SSTR1: variants seen among roughly 807,000 people sequenced by gnomAD.
The protein encoded by SSTR1 is somatostatin receptor type 1.
A neutral mutation model predicts 20.7 loss-of-function variants in SSTR1; 10 were observed. The observed-to-expected ratio is 0.48, with a 90% CI of 0.30 to 0.82. SSTR1 has a LOEUF of 0.82. Ranked by LOEUF, SSTR1 falls within the 40% of genes least tolerant of loss-of-function variation. The pLI, the probability that SSTR1 is intolerant of heterozygous loss-of-function variation, is 0.07. For synonymous variants in SSTR1, 267 were observed against 227.8 expected, an observed-to-expected ratio of 1.17 and a Z score of -1.55; for missense variants, 494 against 540.0, an observed-to-expected ratio of 0.91 and a Z score of 0.84.
rs1454572531 is a variant in SSTR1 at position 38,211,596 on chromosome 14, C to T, written c.*1031C>T. The T allele has an allele frequency of 6.0e-6, 1 of 167,146 alleles. No homozygotes were observed. Among genetic ancestry groups the T allele is most frequent in the Admixed American group, 6.5e-5 (1 of 15,292 alleles). The allele number at this position is 167,146 out of a possible 1,614,324, so 10.4% of individuals were successfully genotyped here. A position where few individuals can be genotyped will look rare whatever the true frequency, so the allele number is the denominator to read the frequency against. The stretch of plus-strand genomic sequence containing the variant: ...CCCTCACCCAAGTTTCCGGAGGAGC[C>T]GACCTAAAAGTAACAATAGATAAGG... On this transcript the variant is annotated 3_prime_UTR_variant, in exon 3 of 3. Transcript: ENST00000267377.
rs1883271174 is a variant in SSTR1 at position 38,209,163 on chromosome 14, C to T, written c.-227C>T. 2 of 448,454 alleles carry T rather than the reference C, an allele frequency of 4.5e-6. No homozygotes were observed. The highest frequency in any genetic ancestry group is 4.1e-5 in the African/African-American group (2 of 48,808). 27.8% of individuals were successfully genotyped at this position (448,454 alleles called of 1,614,324 possible). Reference sequence around the variant, plus strand: ...CTCTCCTCTCCACGGTCGCCTGTGCCCGGGCACCCCGGAGCTGCAAACTGC... The same window carrying T: ...CTCTCCTCTCCACGGTCGCCTGTGCTCGGGCACCCCGGAGCTGCAAACTGC... On this transcript the variant is annotated 5_prime_UTR_variant, in exon 3 of 3. Coordinates refer to ENST00000267377, the MANE Select transcript of SSTR1 (RefSeq NM_001049.3).
At position 38,210,288 on chromosome 14, in the gene SSTR1, A is replaced by G. The variant is rs1883300963; in HGVS notation, c.899A>G (p.Asp300Gly). The change falls in exon 3 of 3, where the codon GAC becomes GGC. Residue 300 changes from aspartate (D) to glycine (G), a missense_variant. Around this residue, in one of 3 missense-constraint regions of SSTR1, gnomAD observed 280 missense variants for 286.1 expected, o/e 0.98. Transcript: ENST00000267377. ...CTGGTCAACGTGTTTGCTGAGCAGGACGACGCCACGGTGAGTCAGCTGTCG... is the reference window on the plus strand; with the variant it reads ...CTGGTCAACGTGTTTGCTGAGCAGGGCGACGCCACGGTGAGTCAGCTGTCG... ...VQLVNVFAEQ[D>G]DATVSQLSVI... 3 of 1,614,130 alleles carry G rather than the reference A, an allele frequency of 1.9e-6. No homozygotes were observed. The highest frequency in any genetic ancestry group is 2.5e-6 in the Non-Finnish European group (3 of 1,180,006).
Position 38,209,662 on chromosome 14 carries a change from G to T in SSTR1, c.273G>T (p.Thr91=), listed in dbSNP as rs1042903870. The T allele has an allele frequency of 3.7e-6, 6 of 1,613,902 alleles. No individual in the cohort carries two copies. The highest frequency in any genetic ancestry group is 5.1e-6 in the Non-Finnish European group (6 of 1,180,028). ...TCCTGCGCTATGCCAAGATGAAGAC[G>T]GCCACCAACATCTACATCCTAAATC... ...YVILRYAKMK[T]ATNIYILNLA... The change falls in exon 3 of 3, where the codon ACG becomes ACT. Residue 91 remains threonine, a synonymous_variant. Coordinates refer to ENST00000267377, the MANE Select transcript of SSTR1 (RefSeq NM_001049.3).
rs1883338548 is a variant in SSTR1 at position 38,211,917 on chromosome 14, G to A, written c.*1352G>A. 3 of 167,098 alleles carry A rather than the reference G, an allele frequency of 1.8e-5. No homozygotes were observed. Among genetic ancestry groups the A allele is most frequent in the African/African-American group, 7.2e-5 (3 of 41,458 alleles). 10.4% of individuals were successfully genotyped at this position (167,098 alleles called of 1,614,324 possible). ...TGGGACCCTGGGGGCGGGCATGGAAGTGGAAGTAGGGGCAAGCTCTTGCCC... is the reference window on the plus strand; with the variant it reads ...TGGGACCCTGGGGGCGGGCATGGAAATGGAAGTAGGGGCAAGCTCTTGCCC... On this transcript the variant is annotated 3_prime_UTR_variant, in exon 3 of 3. Coordinates refer to ENST00000267377, the MANE Select transcript of SSTR1 (RefSeq NM_001049.3).
In SSTR1 at chr14:38,209,314, G is replaced by A; in HGVS notation, c.-76G>A. 7.1e-7 allele frequency: 1 copy of A among 1,412,658 alleles called. No individual in the cohort carries two copies. The highest frequency in any genetic ancestry group is 1.6e-5 in the South Asian group (1 of 64,256). 87.5% of individuals were successfully genotyped at this position (1,412,658 alleles called of 1,614,324 possible). On this transcript the variant is annotated 5_prime_UTR_variant, in exon 3 of 3. Transcript: ENST00000267377. ...GGCTGCAGGCAAGCGGTCGGGTGGGGAGGGAGGGCGCAGGCGGCGGGTGCG... is the reference window on the plus strand; with the variant it reads ...GGCTGCAGGCAAGCGGTCGGGTGGGAAGGGAGGGCGCAGGCGGCGGGTGCG...
Position 38,211,214 on chromosome 14 carries a change from C to G in SSTR1, c.*649C>G, listed in dbSNP as rs1164082485. On this transcript the variant is annotated 3_prime_UTR_variant, in exon 3 of 3. Coordinates refer to ENST00000267377, the MANE Select transcript of SSTR1 (RefSeq NM_001049.3). ...TCTTTCCCTGCCCTCCCCTGTCCCC[C>G]TCTCGCCGCCCGCCCGCCACCACCA... The G allele has an allele frequency of 6.0e-6, 1 of 167,152 alleles. No individual in the cohort carries two copies. The highest frequency in any genetic ancestry group is 1.5e-5 in the Non-Finnish European group (1 of 68,300). The allele number at this position is 167,152 out of a possible 1,614,324, so 10.4% of individuals were successfully genotyped here.
rs749677430 is a variant in SSTR1 at position 38,209,883 on chromosome 14, C to T, written c.494C>T (p.Ala165Val). Reference protein sequence around the residue: ...RYVAVVHPIKAARYRRPTVAK... With the variant: ...RYVAVVHPIKVARYRRPTVAK... ...GTGGCCGTGGTGCATCCCATCAAGGCGGCCCGCTACCGCCGGCCCACCGTG... is the reference window on the plus strand; with the variant it reads ...GTGGCCGTGGTGCATCCCATCAAGGTGGCCCGCTACCGCCGGCCCACCGTG... The change falls in exon 3 of 3, where the codon GCG becomes GTG. Residue 165 changes from alanine to valine, a missense_variant. Physicochemically the swap from Ala to Val is moderately conservative, Grantham distance 64. Transcript: ENST00000267377. 1 of 1,613,770 alleles carries T rather than the reference C, an allele frequency of 6.2e-7. No homozygotes were observed.
At position 38,209,430 on chromosome 14, in the gene SSTR1, C is replaced by G. The variant is rs1194008779; in HGVS notation, c.41C>G (p.Pro14Arg). The G allele has an allele frequency of 6.5e-7, 1 of 1,543,662 alleles. No homozygotes were observed. Among genetic ancestry groups the G allele is most frequent in the East Asian group, 2.3e-5 (1 of 44,138 alleles). The change falls in exon 3 of 3, where the codon CCT (proline) becomes CGT (arginine). Residue 14 changes from proline to arginine, a missense_variant. Physicochemically the swap from Pro to Arg is moderately radical, Grantham distance 103. Transcript: ENST00000267377. ...NGTASSPSSSPSPSPGSCGEG... is the reference protein window; with the variant it reads ...NGTASSPSSSRSPSPGSCGEG... ...ACCGCCTCCTCTCCTTCCTCCTCTCCTAGCCCCAGCCCGGGCAGCTGCGGC... is the reference window on the plus strand; with the variant it reads ...ACCGCCTCCTCTCCTTCCTCCTCTCGTAGCCCCAGCCCGGGCAGCTGCGGC...
At position 38,209,099 on chromosome 14, in the gene SSTR1, A is replaced by C; in HGVS notation, c.-291A>C. ...TCATTTACCAGTCCAGAGCCGCGCC[A>C]GTTAATGGCTGTGCCGTGCGGTGCT... On this transcript the variant is annotated 5_prime_UTR_variant, in exon 3 of 3. Transcript: ENST00000267377. The C allele has an allele frequency of 2.8e-6, 1 of 354,828 alleles. No individual in the cohort carries two copies. Among genetic ancestry groups the C allele is most frequent in the Non-Finnish European group, 5.0e-6 (1 of 199,562 alleles). The allele number at this position is 354,828 out of a possible 1,614,324, so 22.0% of individuals were successfully genotyped here.
Position 38,209,153 on chromosome 14 carries a change from T to C in SSTR1, c.-237T>C, listed in dbSNP as rs527949561. 7.0e-6 allele frequency: 3 copies of C among 429,688 alleles called. No homozygotes were observed. The highest frequency in any genetic ancestry group is 8.6e-5 in the South Asian group (1 of 11,580). The allele number at this position is 429,688 out of a possible 1,614,324, so 26.6% of individuals were successfully genotyped here. On this transcript the variant is annotated 5_prime_UTR_variant, in exon 3 of 3. Transcript: ENST00000267377. ...ACATCCTGGCCTCTCCTCTCCACGGTCGCCTGTGCCCGGGCACCCCGGAGC... is the reference window on the plus strand; with the variant it reads ...ACATCCTGGCCTCTCCTCTCCACGGCCGCCTGTGCCCGGGCACCCCGGAGC...
rs1398470903 is a variant in SSTR1 at position 38,209,616 on chromosome 14, A to G, written c.227A>G (p.Asn76Ser). Residue 76 changes from asparagine to serine, a missense_variant, in exon 3 of 3, where the codon AAC (asparagine) becomes AGC (serine). Transcript: ENST00000267377. ...SVVCLVGLCG[N>S]SMVIYVILRY... The stretch of plus-strand genomic sequence containing the variant: ...GTGTGCCTGGTGGGGCTGTGTGGGA[A>G]CTCTATGGTCATCTACGTGATCCTG... The G allele has an allele frequency of 1.2e-6, 2 of 1,613,764 alleles. No individual in the cohort carries two copies. The highest frequency in any genetic ancestry group is 2.2e-5 in the South Asian group (2 of 91,062).
Position 38,210,204 on chromosome 14 carries a change from T to C in SSTR1, c.815T>C (p.Met272Thr). The C allele has an allele frequency of 1.2e-6, 2 of 1,614,252 alleles. No homozygotes were observed. Among genetic ancestry groups the C allele is most frequent in the Non-Finnish European group, 1.7e-6 (2 of 1,180,034 alleles). The change falls in exon 3 of 3, where the codon ATG (methionine) becomes ACG (threonine). Residue 272 changes from methionine (M) to threonine (T), a missense_variant. Physicochemically the swap from Met to Thr is moderately conservative, Grantham distance 81. This residue lies in a region of SSTR1 where 280 missense variants were observed against 286.1 expected (regional missense o/e 0.98). Coordinates refer to ENST00000267377, the MANE Select transcript of SSTR1 (RefSeq NM_001049.3). ...RKRSERKITL[M>T]VMMVVMVFVI... ...CGCTCGGAGCGCAAGATCACCTTAA[T>C]GGTGATGATGGTGGTGATGGTGTTT...
At position 38,211,738 on chromosome 14, in the gene SSTR1, G is replaced by C. The variant is rs1283142794; in HGVS notation, c.*1173G>C. ...CCGCAACCTGCAGGCTCCCGAGTGG[G>C]GCCTGCCTGGTCTCTAGAGGGTTGC... On this transcript the variant is annotated 3_prime_UTR_variant, in exon 3 of 3. Coordinates refer to ENST00000267377, the MANE Select transcript of SSTR1 (RefSeq NM_001049.3). The C allele has an allele frequency of 4.8e-5, 8 of 167,280 alleles. No individual in the cohort carries two copies. Among genetic ancestry groups the C allele is most frequent in the African/African-American group, 1.9e-4 (8 of 41,600 alleles). 10.4% of individuals were successfully genotyped at this position (167,280 alleles called of 1,614,324 possible).
rs1406194086 is a variant in SSTR1 at position 38,209,574 on chromosome 14, C to G, written c.185C>G (p.Ser62Cys). ...SEGQGSAILI[S>C]FIYSVVCLVG... ...GGCCAGGGCAGCGCCATCCTGATCT[C>G]TTTCATCTACTCCGTGGTGTGCCTG... The change falls in exon 3 of 3, where the codon TCT (serine) becomes TGT (cysteine). Residue 62 changes from serine to cysteine, a missense_variant. Coordinates refer to ENST00000267377, the MANE Select transcript of SSTR1 (RefSeq NM_001049.3). 6.2e-7 allele frequency: 1 copy of G among 1,612,722 alleles called. No individual in the cohort carries two copies. The highest frequency in any genetic ancestry group is 8.5e-7 in the Non-Finnish European group (1 of 1,179,230).
Position 38,210,520 on chromosome 14 carries a change from C to T in SSTR1, c.1131C>T (p.Gly377=). The T allele has an allele frequency of 1.2e-6, 2 of 1,602,766 alleles. No homozygotes were observed. Among genetic ancestry groups the T allele is most frequent in the Non-Finnish European group, 1.7e-6 (2 of 1,174,958 alleles). The part of the protein sequence containing the change: ...DFQPENLESG[G]VFRNGTCTSR... ...AACCTGAGAACCTGGAGTCCGGCGGCGTCTTCCGTAATGGCACCTGCACGT... is the reference window on the plus strand; with the variant it reads ...AACCTGAGAACCTGGAGTCCGGCGGTGTCTTCCGTAATGGCACCTGCACGT... Residue 377 remains glycine, a synonymous_variant, in exon 3 of 3, where the codon GGC becomes GGT. Coordinates refer to ENST00000267377, the MANE Select transcript of SSTR1 (RefSeq NM_001049.3).
Position 38,211,674 on chromosome 14 carries a change from G to C in SSTR1, c.*1109G>C, listed in dbSNP as rs934914705. 2.4e-5 allele frequency: 4 copies of C among 167,162 alleles called. No individual in the cohort carries two copies. The highest frequency in any genetic ancestry group is 5.9e-5 in the Non-Finnish European group (4 of 68,146). 10.4% of individuals were successfully genotyped at this position (167,162 alleles called of 1,614,324 possible). On this transcript the variant is annotated 3_prime_UTR_variant, in exon 3 of 3. Transcript: ENST00000267377. Reference sequence around the variant, plus strand: ...CCGGGCGCCAGGGGCGGGGGACCTAGGGCGACGTCTTCAGAGTCCGCCAGT... The same window carrying C: ...CCGGGCGCCAGGGGCGGGGGACCTACGGCGACGTCTTCAGAGTCCGCCAGT...
chr14:38,210,327 A>T lies in SSTR1; in HGVS notation c.938A>T (p.Tyr313Phe). ...AGTCAGCTGTCGGTCATCCTCGGCT[A>T]TGCCAACAGCTGCGCCAACCCCATC... ...TVSQLSVILGYANSCANPILY... is the reference protein window; with the variant it reads ...TVSQLSVILGFANSCANPILY... Residue 313 changes from tyrosine (Y) to phenylalanine (F), a missense_variant, in exon 3 of 3, where the codon TAT (tyrosine) becomes TTT (phenylalanine). Tyr to Phe is a conservative substitution (Grantham distance 22). This residue lies in a region of SSTR1 where 280 missense variants were observed against 286.1 expected (regional missense o/e 0.98). Coordinates refer to ENST00000267377, the MANE Select transcript of SSTR1 (RefSeq NM_001049.3). The T allele has an allele frequency of 6.2e-7, 1 of 1,614,228 alleles. No homozygotes were observed. The highest frequency in any genetic ancestry group is 8.5e-7 in the Non-Finnish European group (1 of 1,180,034).
At position 38,210,092 on chromosome 14, in the gene SSTR1, C is replaced by A. The variant is rs779191082; in HGVS notation, c.703C>A (p.Pro235Thr). ...CACATTTCTCATGGGCTTCCTGCTG[C>A]CCGTGGGGGCTATCTGCCTGTGCTA... ...LYTFLMGFLLPVGAICLCYVL... is the reference protein window; with the variant it reads ...LYTFLMGFLLTVGAICLCYVL... Residue 235 changes from proline (P) to threonine (T), a missense_variant, in exon 3 of 3, where the codon CCC becomes ACC. Coordinates refer to ENST00000267377, the MANE Select transcript of SSTR1 (RefSeq NM_001049.3). 2 of 1,614,224 alleles carry A rather than the reference C, an allele frequency of 1.2e-6. No homozygotes were observed. The highest frequency in any genetic ancestry group is 8.5e-7 in the Non-Finnish European group (1 of 1,180,046).
At position 38,210,171 on chromosome 14, in the gene SSTR1, AG is replaced by A; in HGVS notation, c.783del (p.Gln261HisfsTer11). 1 of 1,614,256 alleles carries A rather than the reference AG, an allele frequency of 6.2e-7. No homozygotes were observed. The highest frequency in any genetic ancestry group is 8.5e-7 in the Non-Finnish European group (1 of 1,180,050). Reference sequence around the variant, plus strand: ...GTGGCCCTCAAGGCCGGCTGGCAGCAGCGCAAGCGCTCGGAGCGCAAGATCA... The same window carrying A: ...GTGGCCCTCAAGGCCGGCTGGCAGCACGCAAGCGCTCGGAGCGCAAGATCA... The part of the protein sequence containing the change: ...RMVALKAGWQ[Q>X]RKRSERKITL... On this transcript the variant is annotated frameshift_variant, in exon 3 of 3. Transcript: ENST00000267377. LOFTEE classifies it high-confidence loss of function.
Sources: gnomAD v4.1 joint callset for allele counts on GRCh38, gnomAD v4.1.1 for gene constraint, gnomAD v4.1.1 regional missense constraint, MANE v1.5 for transcripts, NCBI Gene and HGNC (gene_info 2026-07-23, HGNC 2026-07-21) for gene names.